ATP6V0A4: variants seen among roughly 807,000 people sequenced by gnomAD.
ATP6V0A4 encodes the protein V-type proton ATPase 116 kDa subunit a 4.
Under a neutral mutation model 107.3 loss-of-function variants are expected in ATP6V0A4, and 86 were observed. The ratio of observed to expected loss-of-function variants is 0.80; its 90% CI spans 0.67 to 0.96. ATP6V0A4 has a LOEUF of 0.96. ATP6V0A4 is among the 40% of genes least tolerant of loss of function. The pLI is 0.00. For missense variants in ATP6V0A4, 908 were observed against 1,045.6 expected, an observed-to-expected ratio of 0.87 and a Z score of 1.81; for synonymous variants, 353 against 381.4, an observed-to-expected ratio of 0.93 and a Z score of 0.87.
rs535434788 is a variant in ATP6V0A4, at chr7:138,716,287, G to A, written c.2140-406C>T. On this transcript the variant is annotated intron_variant, in intron 19 of 21. Transcript: ENST00000310018. The stretch of plus-strand genomic sequence containing the variant: ...AAAGAAAACAATTTGGCTGGAACTG[G>A]GAGCTTGTTTAGGTGAGGAATAGAA... Among the ~76,000 whole-genome samples, 96 of 152,262 alleles carry A rather than the reference G, an allele frequency of 6.3e-4. 4 individuals carry two copies. In the South Asian group the frequency reaches 0.019, roughly 31 times the overall value.
rs1259116588 is a variant in ATP6V0A4, at chr7:138,736,000, G to A, written c.1573-1746C>T. Among the ~76,000 whole-genome samples the A allele has an allele frequency of 2.6e-5, 4 of 151,896 alleles. No individual in the cohort carries two copies. The East Asian group carries it at 5.8e-4, about 22-fold the overall frequency. On this transcript the variant is annotated intron_variant, in intron 15 of 21. Transcript: ENST00000310018. ...GAAGAATCACTTGAACCCAGGAGGT[G>A]GAGGCTGTGGCGAGCCGAGATCGCA...
intron 2 of ATP6V0A4, among the ~76,000 whole-genome samples, chr7:138,774,489 G>A (rs942256351): frequency 1.3e-5 from 2 of 151,658 alleles, no homozygotes; most frequent in Non-Finnish European, 2.9e-5. Flanking sequence ...GCTGAGGCAG[G>A]AGAATCGCTT....
chr7:138,767,627 G>T (rs996439542), intron 5 of ATP6V0A4, among the ~76,000 whole-genome samples: 2 of 145,094 alleles, frequency 1.4e-5, no homozygotes, highest in African/African-American at 5.1e-5. Context: ...AAATTTTCAA[G>T]AATTTGAAGT....
At chr7:138,759,631 A>G (rs1806691252) in intron 8 of ATP6V0A4, 121 bp downstream of exon 8, 1 of 1,104,782 alleles carries the variant, frequency 9.1e-7, no homozygotes, top group South Asian at 1.4e-5. Flanking sequence ...AAAGGAGAAA[A>G]AAAGGAAATA....
At chr7:138,763,186 GACACACAC>G (rs3832464) in intron 5 of ATP6V0A4, 161 bp from the exon 6 acceptor site, 6 of 262,800 alleles carry the variant, frequency 2.3e-5, no homozygotes, top group East Asian at 1.7e-4. Flanking sequence ...GACACACACA[GACACACAC>G]ACACACACAC....
chr7:138,768,616 G>A (rs147546610), intron 5 of ATP6V0A4, among the ~76,000 whole-genome samples, 164 bp downstream of exon 5: 17 of 152,246 alleles, frequency 1.1e-4, no homozygotes, highest in Admixed American at 2.6e-4. Context: ...CGCACACTGG[G>A]ATTTTCCTGG....
At chr7:138,768,923 A>T (rs775577032) in intron 4 of ATP6V0A4, 49 bp from the exon 5 acceptor site, 2 of 1,610,302 alleles carry the variant, frequency 1.2e-6, no homozygotes, top group South Asian at 2.2e-5. Context: ...GTGTTTTCTC[A>T]TAACTAAGAA....
Position 138,768,662 on chromosome 7 carries a change from C to T in ATP6V0A4, c.291+118G>A, listed in dbSNP as rs1807212609. ...CTGAGAGGGAGACGACCATGCAGGC[C>T]TGCCTCCCTGCCTTCAAGCAAACAG... On this transcript the variant is annotated intron_variant, in intron 5 of 21. Coordinates refer to ENST00000310018, the MANE Select transcript of ATP6V0A4 (RefSeq NM_020632.3). 2.4e-6 allele frequency: 3 copies of T among 1,259,120 alleles called. No individual in the cohort carries two copies. In the Admixed American group the frequency reaches 6.7e-5, roughly 28 times the overall value. 78.0% of individuals were successfully genotyped at this position (1,259,120 alleles called of 1,614,324 possible). A position where few individuals can be genotyped will look rare whatever the true frequency, so the allele number is the denominator to read the frequency against.
intron 19 of ATP6V0A4, among the ~76,000 whole-genome samples, chr7:138,719,401 A>G (rs1804315718): frequency 6.6e-6 from 1 of 152,178 alleles, no homozygotes; most frequent in African/African-American, 2.4e-5. Context: ...CACACCAGAA[A>G]GACCAACCAC....
intron 7 of ATP6V0A4, among the ~76,000 whole-genome samples, chr7:138,760,891 C>T (rs1022672432): frequency 6.6e-6 from 1 of 152,126 alleles, no homozygotes; most frequent in African/African-American, 2.4e-5. Flanking sequence ...TTTTGAATCA[C>T]CACATTATTT....
chr7:138,709,551 C>T, intron 21 of ATP6V0A4, 73 bp downstream of exon 21: 1 of 1,439,522 alleles, frequency 6.9e-7, no homozygotes, highest in South Asian at 1.2e-5. Context: ...CGATCTGAAC[C>T]CAGTCGGCTG....
intron 15 of ATP6V0A4, 52 bp from the exon 16 acceptor site, chr7:138,734,306 T>C (rs778982140): frequency 1.2e-6 from 2 of 1,608,276 alleles, no homozygotes; most frequent in Non-Finnish European, 1.7e-6. Context: ...TTAGAAGTTC[T>C]ACTGGAGTTG....
rs1176566807 is a variant in ATP6V0A4 at position 138,777,633 on chromosome 7, TACAC to T, written c.-17-6373_-17-6370del. On this transcript the variant is annotated intron_variant, in intron 2 of 21. Transcript: ENST00000310018. ...TCCGTCTCAAAAAAAAAAAAAAAAA[TACAC>T]ACACACACACACACACACACACACA... Among the ~76,000 whole-genome samples, 841 of 106,326 alleles carry T rather than the reference TACAC, an allele frequency of 7.9e-3. 10 individuals carry two copies. The highest frequency in any genetic ancestry group is 0.047 in the South Asian group (152 of 3,236). The allele number at this position is 106,326 out of a possible 152,430, so 69.8% of individuals were successfully genotyped here.
At chr7:138,756,353 C>A (rs576285175) in intron 9 of ATP6V0A4, 105 bp downstream of exon 9, 7 of 1,563,744 alleles carry the variant, frequency 4.5e-6, no homozygotes, top group East Asian at 2.2e-5. Context: ...ATTCTAAAGC[C>A]TTACTGACCT....
In ATP6V0A4 at chr7:138,752,642, C is replaced by A. The variant is rs769179040; in HGVS notation, c.1012G>T (p.Ala338Ser). The change falls in exon 11 of 22, where the codon GCA becomes TCA. Residue 338 changes from alanine (A) to serine (S), a missense_variant. Ala to Ser is a moderately conservative substitution (Grantham distance 99, BLOSUM62 1). Transcript: ENST00000310018. ...PVADATRIKR[A>S]LEQGMELSGS... ...CCACGCACCATGCCTTGCTCCAGTGCCCTCTTGATACGTGTGGCATCTGCC... is the reference window on the plus strand; with the variant it reads ...CCACGCACCATGCCTTGCTCCAGTGACCTCTTGATACGTGTGGCATCTGCC... 38 of 1,613,444 alleles carry A rather than the reference C, an allele frequency of 2.4e-5. No individual in the cohort carries two copies. The South Asian group carries it at 4.2e-4, about 18-fold the overall frequency.
At chr7:138,730,916 T>TTTC (rs1415675416) in intron 17 of ATP6V0A4, among the ~76,000 whole-genome samples, 1 of 140,970 alleles carries the variant, frequency 7.1e-6, no homozygotes, top group African/African-American at 2.7e-5. Flanking sequence ...CAAGGCATTT[T>TTTC]TTCTTCTTCT....
At chr7:138,710,308 C>T (rs1248868060) in intron 20 of ATP6V0A4, among the ~76,000 whole-genome samples, 1 of 151,834 alleles carries the variant, frequency 6.6e-6, no homozygotes, top group Non-Finnish European at 1.5e-5. Flanking sequence ...TCTCCTGCCT[C>T]AGCCTCCCGA....
intron 17 of ATP6V0A4, among the ~76,000 whole-genome samples, chr7:138,730,322 C>T (rs114779149): frequency 1.3e-5 from 2 of 148,916 alleles, no homozygotes; most frequent in Non-Finnish European, 3.0e-5. Context: ...CCCCCGATGA[C>T]GTACAAAGCA....
At chr7:138,781,241 A>T (rs1028056682) in intron 2 of ATP6V0A4, among the ~76,000 whole-genome samples, 5 of 152,264 alleles carry the variant, frequency 3.3e-5, no homozygotes, top group Non-Finnish European at 7.3e-5. Flanking sequence ...GGTCCTTATG[A>T]ACAGGTATGG....
Sources: gnomAD v4.1 joint callset for allele counts (sites outside exome capture counted in the v4.1 genomes callset) on GRCh38, gnomAD v4.1.1 for gene constraint, MANE v1.5 for transcripts, NCBI Gene and HGNC (gene_info 2026-07-23, HGNC 2026-07-21) for gene names.